Variants in ZNF670 observed in about 807,000 individuals in gnomAD.
ZNF670 encodes zinc finger protein 670.
In ZNF670, 7 loss-of-function variants were observed where a neutral mutation model predicts 10.9. That is an observed-to-expected ratio of 0.64 (90% CI 0.36 to 1.20). The LOEUF is 1.20. Ranked by LOEUF, ZNF670 falls within the 50% of genes most tolerant of loss-of-function variation. The probability of loss-of-function intolerance (pLI) is 0.02; values close to 1 mark genes in which losing one functional copy is unlikely to be tolerated. For missense variants in ZNF670, 446 were observed against 458.6 expected (o/e 0.97, Z 0.25); for synonymous variants, 136 against 152.7 (o/e 0.89, Z 0.81).
In ZNF670 at chr1:247,037,978, T is replaced by C; in HGVS notation, c.641A>G (p.Glu214Gly). 1 of 1,613,400 alleles carries C rather than the reference T, an allele frequency of 6.2e-7. No individual in the cohort carries two copies. Among genetic ancestry groups the C allele is most frequent in the Non-Finnish European group, 8.5e-7 (1 of 1,179,738 alleles). The part of the protein sequence containing the change: ...KAFNYSSYLR[E>G]HERTHTGEKP... Reference sequence around the variant, plus strand: ...CTCTCCAGTATGAGTTCTTTCATGTTCACGAAGATAACTTGAATAATTGAA... The same window carrying C: ...CTCTCCAGTATGAGTTCTTTCATGTCCACGAAGATAACTTGAATAATTGAA... The change falls in exon 4 of 4, where the codon GAA (glutamate) becomes GGA (glycine). Residue 214 changes from glutamate to glycine, a missense_variant. Transcript: ENST00000366503.
chr1:247,066,277 T>G (rs1670978845), intron 1 of ZNF670, among the ~76,000 whole-genome samples: 1 of 152,212 alleles, frequency 6.6e-6, no homozygotes, highest in South Asian at 2.1e-4. Flanking sequence ...GGACCAGGAC[T>G]CATTTCTGGC....
At chr1:247,069,477 C>G (rs557530152) in intron 1 of ZNF670, among the ~76,000 whole-genome samples, 1 of 151,118 alleles carries the variant, frequency 6.6e-6, no homozygotes, top group Admixed American at 6.6e-5. Context: ...GCCATATGAT[C>G]CAGCAATCCT....
rs1015154785 is a variant in ZNF670 at position 247,035,834 on chromosome 1, G to C, written c.*1615C>G. Among the ~76,000 whole-genome samples the C allele has an allele frequency of 6.6e-6, 1 of 152,138 alleles. No homozygotes were observed. The highest frequency in any genetic ancestry group is 6.5e-5 in the Admixed American group (1 of 15,274). ...TTTCTTATCTGAAATACTTGGGAAC[G>C]GAAGTGCTTTGGATTTCAGACTTTT... On this transcript the variant is annotated 3_prime_UTR_variant, in exon 4 of 4. Transcript: ENST00000366503.
intron 1 of ZNF670, among the ~76,000 whole-genome samples, chr1:247,066,939 G>A (rs192964267): frequency 7.9e-5 from 12 of 152,166 alleles, no homozygotes; most frequent in Admixed American, 7.2e-4. Flanking sequence ...TGACCTGGAA[G>A]CCCCCACTCT....
chr1:247,056,648 TC>T (rs1254363467), intron 1 of ZNF670, among the ~76,000 whole-genome samples: 1 of 152,260 alleles, frequency 6.6e-6, no homozygotes, highest in South Asian at 2.1e-4. Context: ...ATGCTTGTAA[TC>T]CCAGCACTTT....
rs1670107804 is a variant in ZNF670 at position 247,034,775 on chromosome 1, T to C, written c.*2674A>G. Among the ~76,000 whole-genome samples the C allele has an allele frequency of 1.3e-5, 2 of 152,216 alleles. No individual in the cohort carries two copies. Among genetic ancestry groups the C allele is most frequent in the African/African-American group, 2.4e-5 (1 of 41,454 alleles). On this transcript the variant is annotated 3_prime_UTR_variant, in exon 4 of 4. Transcript: ENST00000366503. ...AGTGTGTACAGTAATAACGTTCACA[T>C]GGCTACTCCAAGCATCCAGTGATGG...
intron 1 of ZNF670, among the ~76,000 whole-genome samples, chr1:247,069,855 G>A (rs551747695): frequency 6.6e-6 from 1 of 152,300 alleles, no homozygotes; most frequent in Admixed American, 6.5e-5. Flanking sequence ...AGTGTAGTCA[G>A]GGGGACTAGG....
rs192052590 is a variant in ZNF670, at chr1:247,036,473, C to G, written c.*976G>C. Among the ~76,000 whole-genome samples, 2 of 151,970 alleles carry G rather than the reference C, an allele frequency of 1.3e-5. No homozygotes were observed. Among genetic ancestry groups the G allele is most frequent in the East Asian group, 1.9e-4 (1 of 5,196 alleles). ...TTCAATACCAGCCTAGACAATACAG[C>G]GAGATCCCATCTCTATAAAAAATTT... On this transcript the variant is annotated 3_prime_UTR_variant, in exon 4 of 4. Transcript: ENST00000366503.
intron 1 of ZNF670, among the ~76,000 whole-genome samples, chr1:247,057,335 C>T (rs573332335): frequency 2.0e-5 from 3 of 152,164 alleles, no homozygotes; most frequent in East Asian, 1.9e-4. Context: ...TTTTACCAGG[C>T]AACAATTGCT....
chr1:247,062,704 T>C (rs985437183), intron 1 of ZNF670, among the ~76,000 whole-genome samples: 1 of 152,220 alleles, frequency 6.6e-6, no homozygotes, highest in African/African-American at 2.4e-5. Flanking sequence ...GCAGGTTCTT[T>C]CACCACGTCA....
At chr1:247,054,903 T>A (rs1670681223) in intron 1 of ZNF670, among the ~76,000 whole-genome samples, 1 of 152,024 alleles carries the variant, frequency 6.6e-6, no homozygotes, top group South Asian at 2.1e-4. Flanking sequence ...ACATAAAATA[T>A]AACAAGAAAG....
At chr1:247,058,546 G>T (rs1670773698) in intron 1 of ZNF670, among the ~76,000 whole-genome samples, 1 of 151,974 alleles carries the variant, frequency 6.6e-6, no homozygotes, top group African/African-American at 2.4e-5. Flanking sequence ...CTGCAAACAA[G>T]AAGTCAATAC....
chr1:247,055,756 T>C (rs1392680918), intron 1 of ZNF670, among the ~76,000 whole-genome samples: 3 of 152,112 alleles, frequency 2.0e-5, no homozygotes, highest in African/African-American at 4.8e-5. Context: ...CAAGACCCAC[T>C]GACTGGCTGC....
intron 1 of ZNF670, among the ~76,000 whole-genome samples, chr1:247,078,219 TTTTC>T (rs1269195023): frequency 6.6e-5 from 10 of 152,152 alleles, no homozygotes; most frequent in Non-Finnish European, 1.2e-4. Flanking sequence ...GGCGCCTCAG[TTTTC>T]TTTCTAACAG....
chr1:247,037,675 C>T lies in ZNF670; in HGVS notation c.944G>A (p.Gly315Asp), dbSNP rs142649426. The T allele has an allele frequency of 9.3e-6, 15 of 1,613,854 alleles. No homozygotes were observed. The highest frequency in any genetic ancestry group is 1.3e-5 in the Non-Finnish European group (15 of 1,179,948). Residue 315 changes from glycine to aspartate, a missense_variant, in exon 4 of 4, where the codon GGT (glycine) becomes GAT (aspartate). Physicochemically the swap from Gly to Asp is moderately conservative, Grantham distance 94. Coordinates refer to ENST00000366503, the MANE Select transcript of ZNF670 (RefSeq NM_033213.5). ...GEKPYECKQC[G>D]KAFKYSSNLC... Reference sequence around the variant, plus strand: ...GTTACTAGAATATTTGAAGGCTTTACCACATTGTTTACATTCATAGGGCTT... The same window carrying T: ...GTTACTAGAATATTTGAAGGCTTTATCACATTGTTTACATTCATAGGGCTT...
Position 247,037,266 on chromosome 1 carries a change from C to T in ZNF670, c.*183G>A, listed in dbSNP as rs963157254. On this transcript the variant is annotated 3_prime_UTR_variant, in exon 4 of 4. Coordinates refer to ENST00000366503, the MANE Select transcript of ZNF670 (RefSeq NM_033213.5). ...TATTTTATGACGTTCTTTCCCAGGA[C>T]GGGTCCTTCTAAGTTTTAGAAGGGA... The T allele has an allele frequency of 4.5e-5, 27 of 602,354 alleles. No homozygotes were observed. The highest frequency in any genetic ancestry group is 1.5e-4 in the South Asian group (4 of 26,810). The allele number at this position is 602,354 out of a possible 1,614,324, so 37.3% of individuals were successfully genotyped here. A position where few individuals can be genotyped will look rare whatever the true frequency, so the allele number is the denominator to read the frequency against.
chr1:247,043,821 A>G, intron 1 of ZNF670: 1 of 354,736 alleles, frequency 2.8e-6, no homozygotes. Flanking sequence ...TTCCAACCAT[A>G]AGCCTCATCT....
chr1:247,043,823 G>T, intron 1 of ZNF670: 1 of 350,742 alleles, frequency 2.9e-6, no homozygotes. Context: ...CCAACCATAA[G>T]CCTCATCTGC....
chr1:247,077,887 A>C (rs918012233), intron 1 of ZNF670, among the ~76,000 whole-genome samples: 1 of 152,206 alleles, frequency 6.6e-6, no homozygotes, highest in African/African-American at 2.4e-5. Flanking sequence ...TCCATCATAC[A>C]CATGTACATA....
Sources: gnomAD v4.1 joint callset for allele counts (sites outside exome capture counted in the v4.1 genomes callset) on GRCh38, gnomAD v4.1.1 for gene constraint, MANE v1.5 for transcripts, NCBI Gene and HGNC (gene_info 2026-07-23, HGNC 2026-07-21) for gene names.